Variants in ZNG1A observed in about 807,000 individuals in gnomAD.
ZNG1A encodes zinc-regulated GTPase metalloprotein activator 1A.
chr9:165,588 T>G, the ZNG1A span, among the ~76,000 whole-genome samples: 1 of 129,686 alleles, frequency 7.7e-6, no homozygotes, highest in African/African-American at 3.5e-5. Flanking sequence ...TGAAGATGTT[T>G]TTGGTTGTCT....
the ZNG1A span, among the ~76,000 whole-genome samples, chr9:157,686 A>C: frequency 2.2e-5 from 3 of 134,696 alleles, no homozygotes; most frequent in Admixed American, 7.2e-5. Context: ...CCATCAAGTA[A>C]AATGACATAA....
the ZNG1A span, chr9:172,318 A>T: frequency 1.0e-6 from 1 of 960,682 alleles, no homozygotes; most frequent in Non-Finnish European, 1.5e-6. Context: ...CCTTCTAACA[A>T]AATGTCCGTC....
the ZNG1A span, among the ~76,000 whole-genome samples, chr9:138,934 AG>A: frequency 6.7e-6 from 1 of 148,932 alleles, no homozygotes. Flanking sequence ...AAATATATAT[AG>A]GAATGGGAAT....
At chr9:121,865 A>G in the ZNG1A span, 2 of 1,537,298 alleles carry the variant, frequency 1.3e-6, no homozygotes, top group Non-Finnish European at 1.7e-6. Flanking sequence ...GTTTTAAAAG[A>G]GGACCTGAAT....
the ZNG1A span, chr9:122,459 G>A: frequency 0.46 from 501,608 of 1,082,220 alleles, 87,412 homozygotes; most frequent in East Asian, 0.52. Flanking sequence ...CACAGTTTTC[G>A]TGGGAAAAGT....
At chr9:154,918 A>G in the ZNG1A span, 61 of 989,748 alleles carry the variant, frequency 6.2e-5, no homozygotes, top group African/African-American at 1.3e-4. Flanking sequence ...GTAGATCAAT[A>G]TATCAGTTAA....
At chr9:146,447 A>C in the ZNG1A span, 4 of 286,272 alleles carry the variant, frequency 1.4e-5, no homozygotes, top group Non-Finnish European at 1.9e-5. Context: ...AAACTTTTCC[A>C]AGCAGCTTAT....
the ZNG1A span, chr9:146,015 A>G: frequency 8.2e-7 from 1 of 1,224,058 alleles, no homozygotes; most frequent in Middle Eastern, 2.9e-4. Context: ...AGCTTAAATC[A>G]TGGATGCAAT....
the ZNG1A span, among the ~76,000 whole-genome samples, chr9:145,694 A>G: frequency 6.6e-6 from 1 of 151,898 alleles, no homozygotes; most frequent in Non-Finnish European, 1.5e-5. Flanking sequence ...AACTTAAAGT[A>G]TAATAATAAA....
At chr9:150,563 T>A in the ZNG1A span, 2 of 983,404 alleles carry the variant, frequency 2.0e-6, no homozygotes, top group East Asian at 1.1e-4. Context: ...AGGATTCTAA[T>A]GCAACTTCAG....
the ZNG1A span, chr9:172,328 C>G: frequency 1.2e-6 from 1 of 823,656 alleles, no homozygotes; most frequent in South Asian, 1.9e-5. Flanking sequence ...AAATGTCCGT[C>G]CCATATTTAC....
the ZNG1A span, chr9:147,948 C>G: frequency 6.6e-6 from 1 of 151,416 alleles, no homozygotes; most frequent in African/African-American, 2.4e-5. Flanking sequence ...TCGCCTGAAC[C>G]CAGGAGGCAG....
the ZNG1A span, chr9:147,549 CTA>C: frequency 7.4e-6 from 1 of 135,610 alleles, no homozygotes; most frequent in Non-Finnish European, 1.5e-5. Flanking sequence ...CTCCAAAGTT[CTA>C]TGTTAGTAGA....
At chr9:140,198 C>T in the ZNG1A span, among the ~76,000 whole-genome samples, 1 of 151,640 alleles carries the variant, frequency 6.6e-6, no homozygotes, top group Non-Finnish European at 1.5e-5. Flanking sequence ...GTAGGCTCCA[C>T]CTCTGGGGGC....
the ZNG1A span, among the ~76,000 whole-genome samples, chr9:132,307 G>C: frequency 6.8e-6 from 1 of 148,094 alleles, no homozygotes; most frequent in Non-Finnish European, 1.5e-5. Context: ...GTGAAGTCAG[G>C]AGTTTGAGAC....
At chr9:169,849 C>A in the ZNG1A span, among the ~76,000 whole-genome samples, 1 of 124,568 alleles carries the variant, frequency 8.0e-6, no homozygotes, top group Non-Finnish European at 1.7e-5. Flanking sequence ...ATAGTATAAA[C>A]ACAGCTTTTT....
At chr9:174,727 C>A in the ZNG1A span, among the ~76,000 whole-genome samples, 2 of 151,126 alleles carry the variant, frequency 1.3e-5, no homozygotes, top group Admixed American at 6.6e-5. Context: ...AAAAATAGTA[C>A]ATTTTAAAAG....
the ZNG1A span, among the ~76,000 whole-genome samples, chr9:170,431 G>A: frequency 6.6e-6 from 1 of 150,430 alleles, no homozygotes. Context: ...TGTTGCCTGG[G>A]CTGGAGTGCA....
chr9:140,429 C>A, the ZNG1A span, among the ~76,000 whole-genome samples: 1 of 151,158 alleles, frequency 6.6e-6, no homozygotes, highest in Non-Finnish European at 1.5e-5. Flanking sequence ...GCCGGGTACT[C>A]CAACAGACCT....
Sources: gnomAD v4.1 joint callset for allele counts (sites outside exome capture counted in the v4.1 genomes callset) on GRCh38, gnomAD v4.1.1 for gene constraint, MANE v1.5 for transcripts, NCBI Gene and HGNC (gene_info 2026-07-23, HGNC 2026-07-21) for gene names.